ITGB3BP: variants seen among roughly 807,000 people sequenced by gnomAD.
ITGB3BP encodes the protein centromere protein R.
ITGB3BP carries 27 observed loss-of-function variants against 29.1 expected under a neutral mutation model. The ratio of observed to expected loss-of-function variants is 0.93; its 90% CI spans 0.68 to 1.28. The LOEUF is 1.28. Ranked by LOEUF, ITGB3BP falls within the 50% of genes most tolerant of loss-of-function variation. The pLI is 0.00. For synonymous variants in ITGB3BP, 61 were observed against 61.4 expected (o/e 0.99, Z 0.03); for missense variants, 192 against 200.2 (o/e 0.96, Z 0.25).
At chr1:63,462,834 A>C (rs1162089426) in intron 4 of ITGB3BP, among the ~76,000 whole-genome samples, 4 of 152,222 alleles carry the variant, frequency 2.6e-5, no homozygotes, top group African/African-American at 9.6e-5. Context: ...AATTTTTAAA[A>C]AACCAGTTCT....
At position 63,487,929 on chromosome 1, in the gene ITGB3BP, T is replaced by C. The variant is rs549414940; in HGVS notation, c.184+2154A>G. Among the ~76,000 whole-genome samples the C allele has an allele frequency of 9.2e-4, 140 of 152,244 alleles. 1 individual carries two copies. The highest frequency in any genetic ancestry group is 2.3e-3 in the Admixed American group (35 of 15,282). On this transcript the variant is annotated intron_variant, in intron 3 of 8. Transcript: ENST00000271002. ...AAGCAATAGGAATTTTTCAGCTCCA[T>C]TATAATCTTGGGGGACCCCTGATGT...
intron 4 of ITGB3BP, among the ~76,000 whole-genome samples, chr1:63,465,120 T>G (rs1211559275): frequency 1.3e-5 from 2 of 152,168 alleles, no homozygotes; most frequent in African/African-American, 2.4e-5. Flanking sequence ...TTAAATAATA[T>G]TATTCTTAGG....
chr1:63,518,771 T>A (rs1382990572), intron 1 of ITGB3BP, among the ~76,000 whole-genome samples: 1 of 152,146 alleles, frequency 6.6e-6, no homozygotes, highest in African/African-American at 2.4e-5. Flanking sequence ...TTGTCCCATC[T>A]GTTTTTGTTC....
intron 4 of ITGB3BP, among the ~76,000 whole-genome samples, chr1:63,468,888 A>AATAG (rs1553161091): frequency 6.6e-6 from 1 of 150,826 alleles, no homozygotes; most frequent in Non-Finnish European, 1.5e-5. Context: ...TAAATAAATA[A>AATAG]ATAAATAAAT....
intron 4 of ITGB3BP, among the ~76,000 whole-genome samples, chr1:63,477,282 C>T (rs1278923696): frequency 1.3e-5 from 2 of 152,112 alleles, no homozygotes; most frequent in African/African-American, 4.8e-5. Flanking sequence ...AGATCTGTGC[C>T]CTGACTTGGG....
intron 1 of ITGB3BP, among the ~76,000 whole-genome samples, chr1:63,520,746 G>C (rs1646426064): frequency 6.6e-6 from 1 of 151,838 alleles, no homozygotes; most frequent in Non-Finnish European, 1.5e-5. Context: ...AATATGACTG[G>C]GTATACATGC....
upstream of ITGB3BP, chr1:63,525,566 C>A: frequency 6.8e-7 from 1 of 1,468,810 alleles, no homozygotes; most frequent in South Asian, 1.5e-5. Flanking sequence ...AATTATTTTC[C>A]AATAGAATGG....
At chr1:63,524,409 T>G (rs1302076391), upstream of ITGB3BP, among the ~76,000 whole-genome samples, 1 of 152,240 alleles carries the variant, frequency 6.6e-6, no homozygotes, top group Non-Finnish European at 1.5e-5. Flanking sequence ...GCAGGCGGCC[T>G]GCGTATTATA....
chr1:63,450,946 AT>A (rs1429634020), intron 7 of ITGB3BP, among the ~76,000 whole-genome samples: 1 of 151,888 alleles, frequency 6.6e-6, no homozygotes, highest in Non-Finnish European at 1.5e-5. Flanking sequence ...TGAATAAGTT[AT>A]ATAAAGCCTT....
At chr1:63,498,142 T>C (rs1031331421) in intron 2 of ITGB3BP, among the ~76,000 whole-genome samples, 14 of 152,206 alleles carry the variant, frequency 9.2e-5, no homozygotes, top group Admixed American at 7.2e-4. Flanking sequence ...CAATAATGAA[T>C]AGAAAACCTA....
rs1553159295 is a variant in ITGB3BP at position 63,453,957 on chromosome 1, G to A, written c.445C>T (p.Gln149Ter). 1.9e-6 allele frequency: 3 copies of A among 1,577,658 alleles called. No individual in the cohort carries two copies. Among genetic ancestry groups the A allele is most frequent in the Non-Finnish European group, 8.7e-7 (1 of 1,154,756 alleles). The change falls in exon 7 of 9, where the codon CAA (glutamine) becomes TAA (stop). Residue 149 changes from glutamine to a stop codon, truncating the protein, a stop_gained. Transcript: ENST00000271002. LOFTEE classifies it high-confidence loss of function. ...CCTGTACTCTTTTCAAACAGTTTTT[G>A]TTTATTCACTTTTGTCACTAAAAGA... is the stretch of plus-strand genomic sequence containing the variant. ...TKELMTKVNK[Q>*]KLFEKSTGLP... is the part of the protein sequence containing the mutation.
At chr1:63,517,009 A>G (rs948243217) in intron 1 of ITGB3BP, among the ~76,000 whole-genome samples, 1 of 152,128 alleles carries the variant, frequency 6.6e-6, no homozygotes, top group African/African-American at 2.4e-5. Flanking sequence ...AAAAACAAAT[A>G]AGTTAGGTAT....
intron 4 of ITGB3BP, among the ~76,000 whole-genome samples, chr1:63,455,689 A>T (rs750043446): frequency 1.3e-5 from 2 of 152,166 alleles, no homozygotes; most frequent in Non-Finnish European, 2.9e-5. Context: ...CTATTTAGTA[A>T]ACATACTAAA....
At chr1:63,512,335 A>G (rs1354682195) in intron 1 of ITGB3BP, among the ~76,000 whole-genome samples, 2 of 152,096 alleles carry the variant, frequency 1.3e-5, no homozygotes, top group African/African-American at 4.8e-5. Context: ...CAGAACAGAA[A>G]AAGCAGATGA....
upstream of ITGB3BP, among the ~76,000 whole-genome samples, chr1:63,524,143 G>C (rs1030505062): frequency 4.6e-5 from 7 of 152,134 alleles, no homozygotes; most frequent in African/African-American, 1.7e-4. Flanking sequence ...ATGTGAGGGA[G>C]TTGCCTTGTT....
At chr1:63,463,111 T>C (rs886761293) in intron 4 of ITGB3BP, among the ~76,000 whole-genome samples, 5 of 151,930 alleles carry the variant, frequency 3.3e-5, no homozygotes, top group Admixed American at 6.6e-5. Flanking sequence ...CCAGGCATGG[T>C]GGTGGCGTGC....
At chr1:63,473,209 G>A (rs1210397899) in intron 4 of ITGB3BP, among the ~76,000 whole-genome samples, 5 of 147,798 alleles carry the variant, frequency 3.4e-5, no homozygotes, top group South Asian at 2.2e-4. Context: ...CGGCCGCCCC[G>A]TCTGAGAAGT....
chr1:63,465,800 A>G (rs1645089718), intron 4 of ITGB3BP, among the ~76,000 whole-genome samples: 2 of 152,146 alleles, frequency 1.3e-5, no homozygotes, highest in African/African-American at 4.8e-5. Context: ...AAACAAAACT[A>G]TGTATTTGTA....
intron 8 of ITGB3BP, among the ~76,000 whole-genome samples, chr1:63,446,096 A>C (rs546574534): frequency 3.1e-4 from 47 of 151,786 alleles, no homozygotes; most frequent in Non-Finnish European, 4.3e-4. Context: ...ACGGGGTTTC[A>C]CCATGTTGGC....
Sources: gnomAD v4.1 joint callset for allele counts (sites outside exome capture counted in the v4.1 genomes callset) on GRCh38, gnomAD v4.1.1 for gene constraint, MANE v1.5 for transcripts, NCBI Gene and HGNC (gene_info 2026-07-23, HGNC 2026-07-21) for gene names.